Variants in KYNU observed in about 807,000 individuals in gnomAD.
KYNU encodes the protein kynureninase, also known as L-kynurenine hydrolase.
A neutral mutation model predicts 59.2 loss-of-function variants in KYNU; 54 were observed. The observed-to-expected ratio is 0.91, with a 90% CI of 0.73 to 1.14. The LOEUF is 1.14. Ranked by LOEUF, KYNU falls within the 50% of genes most tolerant of loss-of-function variation. KYNU has a pLI of 0.00. For synonymous variants in KYNU, 177 were observed against 192.0 expected, an observed-to-expected ratio of 0.92 and a Z score of 0.65; for missense variants, 567 against 554.4, an observed-to-expected ratio of 1.02 and a Z score of -0.23.
At chr2:143,003,316 C>T (rs936070981) in intron 10 of KYNU, among the ~76,000 whole-genome samples, 3 of 152,246 alleles carry the variant, frequency 2.0e-5, no homozygotes, top group African/African-American at 7.2e-5. Flanking sequence ...ATAATCCCAG[C>T]ACTTTGGGAG....
chr2:142,966,044 T>A (rs17193842), intron 8 of KYNU, among the ~76,000 whole-genome samples: 5,803 of 152,152 alleles, frequency 0.038, 145 homozygotes, highest in South Asian at 0.059. Flanking sequence ...ATTGACAAGG[T>A]GAAAATAAGA....
At chr2:142,901,401 G>C (rs776746938) in intron 2 of KYNU, among the ~76,000 whole-genome samples, 3 of 152,034 alleles carry the variant, frequency 2.0e-5, no homozygotes, top group Non-Finnish European at 2.9e-5. Context: ...CCCATACTAG[G>C]GGTCCTTCTA....
At chr2:143,041,117 A>G (rs1687030087) in intron 13 of KYNU, among the ~76,000 whole-genome samples, 1 of 152,062 alleles carries the variant, frequency 6.6e-6, no homozygotes, top group Non-Finnish European at 1.5e-5. Context: ...AAAAAGATAT[A>G]TATACACTTC....
At chr2:143,037,691 T>C (rs1686927664) in intron 12 of KYNU, among the ~76,000 whole-genome samples, 4 of 152,216 alleles carry the variant, frequency 2.6e-5, no homozygotes, top group Admixed American at 1.3e-4. Flanking sequence ...CAAAGTATTA[T>C]CTTCTAAGCT....
intron 3 of KYNU, among the ~76,000 whole-genome samples, 199 bp downstream of exon 3, chr2:142,918,928 C>A (rs1682773774): frequency 6.6e-6 from 1 of 152,236 alleles, no homozygotes; most frequent in South Asian, 2.1e-4. Context: ...CAAATGGCAT[C>A]ATATTTCCAA....
At chr2:142,959,450 G>T (rs1252477719) in intron 7 of KYNU, among the ~76,000 whole-genome samples, 4 of 152,088 alleles carry the variant, frequency 2.6e-5, no homozygotes, top group African/African-American at 4.8e-5. Flanking sequence ...GCCAGATGTG[G>T]TGGCACATGC....
At chr2:143,004,188 G>T (rs1021720039) in intron 10 of KYNU, among the ~76,000 whole-genome samples, 1 of 152,142 alleles carries the variant, frequency 6.6e-6, no homozygotes. Context: ...AAGTAGGGAG[G>T]GAATCTAACT....
chr2:142,908,503 T>TTA (rs397758502), intron 2 of KYNU, among the ~76,000 whole-genome samples: 11 of 151,622 alleles, frequency 7.3e-5, no homozygotes, highest in Admixed American at 1.3e-4. Flanking sequence ...GGATTTTTTT[T>TTA]AAAAAAAATA....
intron 3 of KYNU, among the ~76,000 whole-genome samples, chr2:142,919,088 C>T (rs1301178502): frequency 6.6e-6 from 1 of 152,178 alleles, no homozygotes; most frequent in African/African-American, 2.4e-5. Context: ...AGTATATATG[C>T]AGCCATCCAT....
intron 4 of KYNU, chr2:142,946,987 C>A: frequency 6.7e-7 from 1 of 1,485,558 alleles, no homozygotes; most frequent in African/African-American, 1.4e-5. Flanking sequence ...AAATAGCCAA[C>A]TTGAGACAAG....
At chr2:143,034,030 T>C (rs1035825895) in intron 12 of KYNU, among the ~76,000 whole-genome samples, 1 of 151,856 alleles carries the variant, frequency 6.6e-6, no homozygotes, top group African/African-American at 2.4e-5. Context: ...ATGATAAATA[T>C]ACATAACAAG....
intron 10 of KYNU, among the ~76,000 whole-genome samples, chr2:143,000,341 G>C (rs560824524): frequency 3.2e-4 from 48 of 152,172 alleles, no homozygotes; most frequent in African/African-American, 1.1e-3. Context: ...TCCACATCCA[G>C]AGTACTCTGA....
chr2:142,973,715 C>A (rs1684805940), intron 8 of KYNU, among the ~76,000 whole-genome samples: 1 of 152,128 alleles, frequency 6.6e-6, no homozygotes, highest in African/African-American at 2.4e-5. Flanking sequence ...GTACATTACA[C>A]TCAAGAAATT....
intron 10 of KYNU, among the ~76,000 whole-genome samples, chr2:143,017,447 T>C (rs1284820442): frequency 1.4e-5 from 2 of 140,140 alleles, no homozygotes; most frequent in Admixed American, 7.2e-5. Flanking sequence ...TTTTTTTTTT[T>C]TTTTTTTTTT....
intron 9 of KYNU, among the ~76,000 whole-genome samples, chr2:142,985,544 A>G (rs1224082464): frequency 6.6e-6 from 1 of 151,888 alleles, no homozygotes; most frequent in Non-Finnish European, 1.5e-5. Context: ...TCAACTTAGA[A>G]TTCATATTTG....
At chr2:143,039,472 T>A (rs1228965047) in intron 12 of KYNU, among the ~76,000 whole-genome samples, 2 of 152,188 alleles carry the variant, frequency 1.3e-5, no homozygotes, top group Non-Finnish European at 2.9e-5. Context: ...TAAATCCATT[T>A]ATTAAGGTAT....
intron 10 of KYNU, chr2:142,989,973 T>C (rs1573876806): frequency 6.6e-6 from 1 of 152,000 alleles, no homozygotes. Context: ...TTTTGGACAT[T>C]GTTCAAAACC....
At chr2:142,930,540 G>A (rs1206739788) in intron 4 of KYNU, among the ~76,000 whole-genome samples, 1 of 152,182 alleles carries the variant, frequency 6.6e-6, no homozygotes, top group Admixed American at 6.5e-5. Flanking sequence ...TGCTGTCAGG[G>A]TTGGTTTCTA....
intron 11 of KYNU, among the ~76,000 whole-genome samples, chr2:143,029,960 G>C (rs1686695522): frequency 6.6e-6 from 1 of 152,210 alleles, no homozygotes; most frequent in Non-Finnish European, 1.5e-5. Context: ...TAGAGTGCCT[G>C]AAACACTGGG....
Sources: allele counts gnomAD v4.1 joint callset (sites outside exome capture counted in the v4.1 genomes callset), GRCh38; gene constraint gnomAD v4.1.1; transcripts MANE v1.5; gene names NCBI Gene and HGNC (gene_info 2026-07-23, HGNC 2026-07-21).